The following GCGR variants were observed in gnomAD, a reference collection of about 807,000 sequenced individuals.
GCGR encodes the protein glucagon receptor.
In GCGR, 41 loss-of-function variants were observed where a neutral mutation model predicts 56.1. The ratio of observed to expected loss-of-function variants is 0.73; its 90% confidence interval spans 0.57 to 0.95. The LOEUF (loss-of-function observed/expected upper bound fraction) is 0.95, where lower values mean the gene tolerates loss of function less well. Ranked by LOEUF, GCGR falls within the 40% of genes least tolerant of loss-of-function variation. The pLI, the probability that GCGR is intolerant of heterozygous loss-of-function variation, is 0.00. For synonymous variants in GCGR, 278 were observed against 271.1 expected, an observed-to-expected ratio of 1.03 and a Z score of -0.25; for missense variants, 595 against 638.2, an observed-to-expected ratio of 0.93 and a Z score of 0.73.
At chr17:81,805,937 G>A (rs549328974) in intron 1 of GCGR, among the ~76,000 whole-genome samples, 46 of 152,288 alleles carry the variant, frequency 3.0e-4, no homozygotes, top group Admixed American at 2.8e-3. Context: ...TGGGCTGACC[G>A]GGGCCCGGGG....
Position 81,810,788 on chromosome 17 carries a change from C to CCTGCT in GCGR, c.164-33_164-32insTCTGC, listed in dbSNP as rs1555709671. On this transcript the variant is annotated intron_variant, in intron 3 of 13. Coordinates refer to ENST00000400723, the MANE Select transcript of GCGR (RefSeq NM_000160.5). The surrounding 1 kb of genome is among the most constrained non-coding windows in gnomAD (Gnocchi z 4.6). ...GAGGGAGCCCCTTCTCCCACCCTGC[C>CCTGCT]CTGCCCTGCTCTGCCCTGCCCTACC... 69 of 1,525,182 alleles carry CCTGCT rather than the reference C, an allele frequency of 4.5e-5. No individual in the cohort carries two copies. The Middle Eastern group carries it at 6.8e-4, about 15-fold the overall frequency. The allele number at this position is 1,525,182 out of a possible 1,614,324, so 94.5% of individuals were successfully genotyped here.
chr17:81,809,223 T>C lies in GCGR; in HGVS notation c.60+145T>C, dbSNP rs7406671. 322 of 987,848 alleles carry C rather than the reference T, an allele frequency of 3.3e-4. 9 individuals carry two copies. In the East Asian group the frequency reaches 4.4e-3, roughly 13 times the overall value. The allele number at this position is 987,848 out of a possible 1,614,324, so 61.2% of individuals were successfully genotyped here. On this transcript the variant is annotated intron_variant, in intron 2 of 13. Coordinates refer to ENST00000400723, the MANE Select transcript of GCGR (RefSeq NM_000160.5). ...GTCTGCCTGCCCATCTGCCTGTCTG[T>C]CTGCCTGTCCGTCTGTCTGTCCATC...
intron 1 of GCGR, among the ~76,000 whole-genome samples, chr17:81,808,186 C>T (rs1046108698): frequency 6.6e-6 from 1 of 152,246 alleles, no homozygotes; most frequent in African/African-American, 2.4e-5. Context: ...ACTTTGCTCG[C>T]TGTGGCACTG....
In GCGR at chr17:81,812,438, C is replaced by A; in HGVS notation, c.949-139C>A. On this transcript the variant is annotated intron_variant, in intron 10 of 13. Coordinates refer to ENST00000400723, the MANE Select transcript of GCGR (RefSeq NM_000160.5). This position sits in a 1 kb window ranked among gnomAD's most constrained non-coding sequence, Gnocchi z 8.5. The stretch of plus-strand genomic sequence containing the variant: ...GGCTGTTCCTCCCTGGCTGTGTGCC[C>A]ACCAGCCCCAGGGCTATGTGGCCCA... 1.9e-6 allele frequency: 2 copies of A among 1,046,824 alleles called. No homozygotes were observed. The highest frequency in any genetic ancestry group is 2.8e-6 in the Non-Finnish European group (2 of 725,852). 64.8% of individuals were successfully genotyped at this position (1,046,824 alleles called of 1,614,324 possible).
At position 81,812,855 on chromosome 17, in the gene GCGR, A is replaced by C; in HGVS notation, c.1086A>C (p.Glu362Asp). The part of the protein sequence containing the change: ...LTLIPLLGVH[E>D]VVFAFVTDEH... ...TCATCCCTCTGCTGGGCGTCCACGA[A>C]GTGGTCTTCGCCTTCGTGACGGACG... The change falls in exon 12 of 14, where the codon GAA (glutamate) becomes GAC (aspartate). Residue 362 changes from glutamate (E) to aspartate (D), a missense_variant. Transcript: ENST00000400723. This position sits in a 1 kb window ranked among gnomAD's most constrained non-coding sequence, Gnocchi z 8.5. 2.0e-6 allele frequency: 3 copies of C among 1,535,990 alleles called. No homozygotes were observed. The highest frequency in any genetic ancestry group is 2.6e-6 in the Non-Finnish European group (3 of 1,146,756).
rs1481048666 is a variant in GCGR at position 81,812,398 on chromosome 17, C to T, written c.948+146C>T. 5.6e-6 allele frequency: 6 copies of T among 1,070,290 alleles called. No individual in the cohort carries two copies. The highest frequency in any genetic ancestry group is 3.0e-5 in the South Asian group (2 of 67,232). The allele number at this position is 1,070,290 out of a possible 1,614,324, so 66.3% of individuals were successfully genotyped here. On this transcript the variant is annotated intron_variant, in intron 10 of 13. Coordinates refer to ENST00000400723, the MANE Select transcript of GCGR (RefSeq NM_000160.5). This position sits in a 1 kb window ranked among gnomAD's most constrained non-coding sequence, Gnocchi z 8.5. ...GGACACCAGGACACTGGCCAGCACCCTGGACACTGAGCCAGGCTGTTCCTC... is the reference window on the plus strand; with the variant it reads ...GGACACCAGGACACTGGCCAGCACCTTGGACACTGAGCCAGGCTGTTCCTC...
In GCGR at chr17:81,804,864, C is replaced by A. The variant is rs748040078; in HGVS notation, c.-178+615C>A. On this transcript the variant is annotated intron_variant, in intron 1 of 13. Coordinates refer to ENST00000400723, the MANE Select transcript of GCGR (RefSeq NM_000160.5). This position sits in a 1 kb window ranked among gnomAD's most constrained non-coding sequence, Gnocchi z 8.2. ...CCCACCACCCGGCCGACTCGGCCAC[C>A]GGGCTTATGCTCCGACTCTGAACCG... is the stretch of plus-strand genomic sequence containing the variant. Among the ~76,000 whole-genome samples the A allele has an allele frequency of 6.6e-6, 1 of 152,040 alleles. No homozygotes were observed. The highest frequency in any genetic ancestry group is 2.4e-5 in the African/African-American group (1 of 41,394).
At chr17:81,809,616 T>G (rs1365369809) in intron 2 of GCGR, among the ~76,000 whole-genome samples, 166 bp from the exon 3 acceptor site, 3 of 150,546 alleles carry the variant, frequency 2.0e-5, no homozygotes, top group Non-Finnish European at 4.4e-5. Context: ...CCTGCCTATC[T>G]GTCTGTCCGT....
chr17:81,812,573 A>G lies in GCGR; in HGVS notation c.949-4A>G, dbSNP rs1274033993. 1 of 1,536,180 alleles carries G rather than the reference A, an allele frequency of 6.5e-7. No homozygotes were observed. The highest frequency in any genetic ancestry group is 8.7e-7 in the Non-Finnish European group (1 of 1,146,638). On this transcript the variant is annotated splice_region_variant and splice_polypyrimidine_tract_variant and intron_variant, in intron 10 of 13. Transcript: ENST00000400723. The surrounding 1 kb of genome is among the most constrained non-coding windows in gnomAD (Gnocchi z 8.5). ...TGCCCCTGACTCGCACCCTTCTCAC[A>G]CAGATCAACTTCTTCATCTTCGTCC...
chr17:81,811,193 T>G lies in GCGR; in HGVS notation c.394-29T>G. 3 of 1,536,090 alleles carry G rather than the reference T, an allele frequency of 2.0e-6. No homozygotes were observed. Among genetic ancestry groups the G allele is most frequent in the Non-Finnish European group, 2.6e-6 (3 of 1,146,782 alleles). On this transcript the variant is annotated intron_variant, in intron 5 of 13. Transcript: ENST00000400723. This position sits in a 1 kb window ranked among gnomAD's most constrained non-coding sequence, Gnocchi z 5.8. ...GGGAACGGGCATGGGGGCCCCTGCC[T>G]GGCCCTCACAGGCCACTGTAACTCG...
chr17:81,813,184 C>A lies in GCGR; in HGVS notation c.1218+127C>A. The A allele has an allele frequency of 7.2e-7, 1 of 1,389,546 alleles. No homozygotes were observed. The highest frequency in any genetic ancestry group is 1.2e-5 in the South Asian group (1 of 80,680). The allele number at this position is 1,389,546 out of a possible 1,614,324, so 86.1% of individuals were successfully genotyped here. On this transcript the variant is annotated intron_variant, in intron 13 of 13. Transcript: ENST00000400723. This position sits in a 1 kb window ranked among gnomAD's most constrained non-coding sequence, Gnocchi z 5.3. ...GAACACGTGGGGCCCAAGCCTTTCC[C>A]TCCCCCTGCTCTTATTGGGTGCAGT... is the stretch of plus-strand genomic sequence containing the variant.
Position 81,808,912 on chromosome 17 carries a change from C to T in GCGR, c.-107C>T. The stretch of plus-strand genomic sequence containing the variant: ...GGCCAGGACGCCCCAGGCTCTGCTG[C>T]TCTGCCACTCAGCTGCCCTCGGAGG... On this transcript the variant is annotated 5_prime_UTR_variant, in exon 2 of 14. Coordinates refer to ENST00000400723, the MANE Select transcript of GCGR (RefSeq NM_000160.5). 7.2e-7 allele frequency: 1 copy of T among 1,379,792 alleles called. No individual in the cohort carries two copies. The highest frequency in any genetic ancestry group is 1.2e-5 in the South Asian group (1 of 80,708). The allele number at this position is 1,379,792 out of a possible 1,614,324, so 85.5% of individuals were successfully genotyped here. A position where few individuals can be genotyped will look rare whatever the true frequency, so the allele number is the denominator to read the frequency against.
chr17:81,805,659 G>A (rs1244934116), intron 1 of GCGR, among the ~76,000 whole-genome samples: 2 of 150,788 alleles, frequency 1.3e-5, no homozygotes, highest in African/African-American at 2.4e-5. Flanking sequence ...TGGGCACCTC[G>A]GGAACCCCCA....
intron 2 of GCGR, among the ~76,000 whole-genome samples, chr17:81,809,497 G>A (rs926753202): frequency 1.5e-4 from 22 of 144,254 alleles, no homozygotes; most frequent in African/African-American, 5.5e-4. Context: ...CCGTCTGCCT[G>A]TCCGTCTGCC....
At chr17:81,808,494 G>T (rs1320975295) in intron 1 of GCGR, among the ~76,000 whole-genome samples, 1 of 151,494 alleles carries the variant, frequency 6.6e-6, no homozygotes, top group Admixed American at 6.6e-5. Flanking sequence ...TCCTCCTGGG[G>T]TCTCCTCCCT....
At position 81,812,544 on chromosome 17, in the gene GCGR, G is replaced by T. The variant is rs548154952; in HGVS notation, c.949-33G>T. 3 of 1,523,492 alleles carry T rather than the reference G, an allele frequency of 2.0e-6. No individual in the cohort carries two copies. In the African/African-American group the frequency reaches 4.1e-5, roughly 21 times the overall value. The allele number at this position is 1,523,492 out of a possible 1,614,324, so 94.4% of individuals were successfully genotyped here. ...GGCACAGAGCTGTTCCCTGGGGCTCGGGATGCCCCTGACTCGCACCCTTCT... is the reference window on the plus strand; with the variant it reads ...GGCACAGAGCTGTTCCCTGGGGCTCTGGATGCCCCTGACTCGCACCCTTCT... On this transcript the variant is annotated intron_variant, in intron 10 of 13. Coordinates refer to ENST00000400723, the MANE Select transcript of GCGR (RefSeq NM_000160.5). This position sits in a 1 kb window ranked among gnomAD's most constrained non-coding sequence, Gnocchi z 8.5.
At position 81,810,977 on chromosome 17, in the gene GCGR, G is replaced by A. The variant is rs1050380691; in HGVS notation, c.272-33G>A. 1.3e-6 allele frequency: 2 copies of A among 1,535,680 alleles called. No individual in the cohort carries two copies. The highest frequency in any genetic ancestry group is 1.4e-5 in the African/African-American group (1 of 73,154). On this transcript the variant is annotated intron_variant, in intron 4 of 13. Transcript: ENST00000400723. This position sits in a 1 kb window ranked among gnomAD's most constrained non-coding sequence, Gnocchi z 4.6. The stretch of plus-strand genomic sequence containing the variant: ...ACTGTGGGGGGGGCGGGCCCAGGGT[G>A]GGGCTGACCCCAGCCTCCCCCCACA...
At position 81,812,122 on chromosome 17, in the gene GCGR, G is replaced by T. The variant is rs751337318; in HGVS notation, c.879-61G>T. On this transcript the variant is annotated intron_variant, in intron 9 of 13. Transcript: ENST00000400723. The surrounding 1 kb of genome is among the most constrained non-coding windows in gnomAD (Gnocchi z 8.5). The stretch of plus-strand genomic sequence containing the variant: ...AGATCCTGGCAAAATCGGGACGGGG[G>T]TGCTGAGGGGCGGAGGGGCTGGGGG... The T allele has an allele frequency of 1.3e-5, 20 of 1,527,594 alleles. No individual in the cohort carries two copies. The highest frequency in any genetic ancestry group is 1.7e-4 in the Middle Eastern group (1 of 5,878). 94.6% of individuals were successfully genotyped at this position (1,527,594 alleles called of 1,614,324 possible).
At chr17:81,807,234 C>T (rs2037982858) in intron 1 of GCGR, among the ~76,000 whole-genome samples, 2 of 152,252 alleles carry the variant, frequency 1.3e-5, no homozygotes, top group Non-Finnish European at 2.9e-5. Flanking sequence ...CGCCCCAGCA[C>T]CAAGCCTGCA....
Sources: allele counts gnomAD v4.1 joint callset (sites outside exome capture counted in the v4.1 genomes callset), GRCh38; gene constraint gnomAD v4.1.1; non-coding constraint Gnocchi (gnomAD v3.1); transcripts MANE v1.5; gene names NCBI Gene and HGNC (gene_info 2026-07-23, HGNC 2026-07-21).